SDK1: variants seen among roughly 807,000 people sequenced by gnomAD.
The protein encoded by SDK1 is sidekick cell adhesion molecule 1.
Under a neutral mutation model 245.5 loss-of-function variants are expected in SDK1, and 157 were observed. The observed-to-expected ratio is 0.64, with a 90% CI of 0.56 to 0.73. SDK1 has a LOEUF of 0.73. Ranked by LOEUF, SDK1 falls within the 30% of genes least tolerant of loss-of-function variation. SDK1 has a pLI of 0.00. For missense variants in SDK1, 3,583 were observed against 3,002.3 expected, an observed-to-expected ratio of 1.19 and a Z score of -4.52; for synonymous variants, 1,647 against 1,278.5, an observed-to-expected ratio of 1.29 and a Z score of -6.15.
chr7:3,347,155 C>T (rs980555124), intron 1 of SDK1, among the ~76,000 whole-genome samples: 1 of 151,736 alleles, frequency 6.6e-6, no homozygotes, highest in Non-Finnish European at 1.5e-5. Context: ...CAGACGTTAG[C>T]CGGTTAAGTG....
chr7:3,421,452 GC>G (rs1384678078), intron 1 of SDK1, among the ~76,000 whole-genome samples: 3 of 151,960 alleles, frequency 2.0e-5, no homozygotes, highest in Non-Finnish European at 4.4e-5. Context: ...AATTACCAAA[GC>G]CTTTTAAAAC....
chr7:3,499,055 A>C (rs1462004668), intron 1 of SDK1, among the ~76,000 whole-genome samples: 1 of 152,230 alleles, frequency 6.6e-6, no homozygotes, highest in African/African-American at 2.4e-5. Context: ...CTGATGTTGC[A>C]TATCACACTG....
chr7:3,350,629 A>G (rs1780634752), intron 1 of SDK1, among the ~76,000 whole-genome samples: 1 of 152,246 alleles, frequency 6.6e-6, no homozygotes, highest in South Asian at 2.1e-4. Flanking sequence ...CCTTTGGGCC[A>G]CAAGACTAAC....
In SDK1 at chr7:4,237,685, C is replaced by T; in HGVS notation, c.6031C>T (p.Leu2011Phe). 1 of 1,614,126 alleles carries T rather than the reference C, an allele frequency of 6.2e-7. No homozygotes were observed. The highest frequency in any genetic ancestry group is 8.5e-7 in the Non-Finnish European group (1 of 1,180,014). Residue 2011 changes from leucine (L) to phenylalanine (F), a missense_variant, in exon 42 of 45, where the codon CTC becomes TTC. Transcript: ENST00000404826. ...EAPFYEEWWF[L>F]LVMALSSLIV... The stretch of plus-strand genomic sequence containing the variant: ...CCCATTCTACGAGGAGTGGTGGTTC[C>T]TCCTGGTGATGGCTCTGTCCAGCCT...
intron 5 of SDK1, among the ~76,000 whole-genome samples, chr7:3,894,831 G>C (rs1013285985): frequency 1.2e-4 from 18 of 151,538 alleles, no homozygotes; most frequent in Non-Finnish European, 1.8e-4. Context: ...CGAGTAGCTG[G>C]TGGCACGTGC....
chr7:3,668,746 G>A lies in SDK1; in HGVS notation c.713+26641G>A, dbSNP rs554541584. On this transcript the variant is annotated intron_variant, in intron 4 of 44. Transcript: ENST00000404826. ...GCGGAGTTTGCAGTGAGCCAAGATG[G>A]CGCCATTGCACTCCAGCCTGAGTGA... Among the ~76,000 whole-genome samples the A allele has an allele frequency of 2.9e-3, 437 of 152,314 alleles. 4 individuals carry two copies. The highest frequency in any genetic ancestry group is 0.018 in the South Asian group (85 of 4,830).
intron 19 of SDK1, among the ~76,000 whole-genome samples, chr7:4,054,802 T>C (rs1779101107): frequency 6.6e-6 from 1 of 152,212 alleles, no homozygotes; most frequent in African/African-American, 2.4e-5. Flanking sequence ...TTCTGAGTTT[T>C]TGACATGAAT....
chr7:3,630,166 G>C (rs552630060), intron 2 of SDK1, among the ~76,000 whole-genome samples: 121 of 152,302 alleles, frequency 7.9e-4, no homozygotes, highest in Non-Finnish European at 1.4e-3. Context: ...TAGATGTGTA[G>C]TTGGAATCCC....
At chr7:3,592,617 G>A (rs1032272120) in intron 1 of SDK1, among the ~76,000 whole-genome samples, 3 of 152,112 alleles carry the variant, frequency 2.0e-5, no homozygotes, top group African/African-American at 7.2e-5. Context: ...TTATGTTGGT[G>A]TTCTGTTTCC....
intron 1 of SDK1, among the ~76,000 whole-genome samples, chr7:3,617,979 A>G (rs937821523): frequency 1.3e-5 from 2 of 152,100 alleles, no homozygotes; most frequent in African/African-American, 4.8e-5. Flanking sequence ...GCCTGAATGA[A>G]AGTTAGAAAG....
intron 5 of SDK1, among the ~76,000 whole-genome samples, chr7:3,855,060 G>A (rs1780511857): frequency 6.6e-6 from 1 of 152,096 alleles, no homozygotes; most frequent in African/African-American, 2.4e-5. Flanking sequence ...ACTTGTGACA[G>A]CTATCAGTAT....
chr7:4,135,008 G>A (rs1197374524), intron 28 of SDK1, among the ~76,000 whole-genome samples: 1 of 152,124 alleles, frequency 6.6e-6, no homozygotes, highest in Admixed American at 6.5e-5. Context: ...CTGTAGCCCC[G>A]GGTCCTCACT....
chr7:4,093,202 CAT>C (rs2128184325), intron 22 of SDK1, among the ~76,000 whole-genome samples: 2 of 152,038 alleles, frequency 1.3e-5, no homozygotes, highest in East Asian at 3.9e-4. Flanking sequence ...GTGAGCAAAA[CAT>C]CTCTTTGAGC....
intron 22 of SDK1, among the ~76,000 whole-genome samples, chr7:4,107,883 G>A (rs192732401): frequency 2.0e-4 from 30 of 152,212 alleles, no homozygotes; most frequent in African/African-American, 6.8e-4. Flanking sequence ...CTGTGCCGAT[G>A]TGTGACAAAC....
At chr7:3,459,568 G>A (rs980509325) in intron 1 of SDK1, among the ~76,000 whole-genome samples, 1 of 152,200 alleles carries the variant, frequency 6.6e-6, no homozygotes, top group African/African-American at 2.4e-5. Context: ...AGGAAGTGGG[G>A]AGGAGGACAA....
intron 1 of SDK1, among the ~76,000 whole-genome samples, chr7:3,613,093 C>G (rs933769296): frequency 6.6e-6 from 1 of 152,278 alleles, no homozygotes; most frequent in Admixed American, 6.5e-5. Flanking sequence ...TTGCTTGATA[C>G]CTCATAGTTG....
chr7:3,403,085 C>T (rs1354815575), intron 1 of SDK1, among the ~76,000 whole-genome samples: 1 of 152,098 alleles, frequency 6.6e-6, no homozygotes, highest in Non-Finnish European at 1.5e-5. Context: ...CAGCTGCATG[C>T]CACCACACCC....
At chr7:4,219,547 C>T (rs1690552735) in intron 38 of SDK1, among the ~76,000 whole-genome samples, 1 of 152,188 alleles carries the variant, frequency 6.6e-6, no homozygotes, top group Admixed American at 6.5e-5. Context: ...ACCACGAGAA[C>T]AGAATGGGAG....
chr7:3,368,144 G>A (rs973647832), intron 1 of SDK1, among the ~76,000 whole-genome samples: 1 of 152,124 alleles, frequency 6.6e-6, no homozygotes, highest in Admixed American at 6.5e-5. Flanking sequence ...AGTAATAATG[G>A]CATCTGTGAA....
Sources: gnomAD v4.1 joint callset for allele counts (sites outside exome capture counted in the v4.1 genomes callset) on GRCh38, gnomAD v4.1.1 for gene constraint, MANE v1.5 for transcripts, NCBI Gene and HGNC (gene_info 2026-07-23, HGNC 2026-07-21) for gene names.